The following AP1M1 variants were observed in gnomAD, a reference collection of about 807,000 sequenced individuals.
AP1M1 encodes the protein AP-1 complex subunit mu-1.
AP1M1 carries 18 observed loss-of-function variants against 57.1 expected under a neutral mutation model. That is an observed-to-expected ratio of 0.32 (90% CI 0.22 to 0.47). The LOEUF is 0.47. AP1M1 is among the 20% of genes least tolerant of loss of function. The probability of loss-of-function intolerance (pLI) is 1.00; values close to 1 mark genes in which losing one functional copy is unlikely to be tolerated. For synonymous variants in AP1M1, 241 were observed against 237.9 expected, an observed-to-expected ratio of 1.01 and a Z score of -0.12; for missense variants, 362 against 593.5, an observed-to-expected ratio of 0.61 and a Z score of 4.05.
chr19:16,220,516 A>G (rs934231009), intron 5 of AP1M1, among the ~76,000 whole-genome samples: 9 of 151,786 alleles, frequency 5.9e-5, no homozygotes, highest in Non-Finnish European at 1.3e-4. Context: ...TCAGCCTCCC[A>G]TGTAGTTGAG....
Position 16,239,644 on chromosome 19 carries a change from G to A in AP1M1, c.*5209G>A, listed in dbSNP as rs1216810803. 1.3e-5 allele frequency: 2 copies of A among 151,916 alleles called. No homozygotes were observed. The highest frequency in any genetic ancestry group is 2.9e-5 in the Non-Finnish European group (2 of 67,990). 9.4% of individuals were successfully genotyped at this position (151,916 alleles called of 1,614,324 possible). A position where few individuals can be genotyped will look rare whatever the true frequency, so the allele number is the denominator to read the frequency against. ...CTAAAAATACAAAAGAATTAGCTGGGCGTAGTGGCTCATACCTGTAATCCC... is the reference window on the plus strand; with the variant it reads ...CTAAAAATACAAAAGAATTAGCTGGACGTAGTGGCTCATACCTGTAATCCC... On this transcript the variant is annotated 3_prime_UTR_variant, in exon 12 of 12. Transcript: ENST00000291439.
At chr19:16,220,925 C>T (rs1428001750) in intron 5 of AP1M1, among the ~76,000 whole-genome samples, 1 of 152,172 alleles carries the variant, frequency 6.6e-6, no homozygotes, top group Non-Finnish European at 1.5e-5. Flanking sequence ...TCTTTATTCC[C>T]CTATAGGTGA....
rs2091637013 is a variant in AP1M1, at chr19:16,239,284, C to A, written c.*4849C>A. ...TTTTTTTTTTTTTTTTTTTTTAAGA[C>A]TGCAAAGCTGGGCATGGTAGTATGC... On this transcript the variant is annotated 3_prime_UTR_variant, in exon 12 of 12. Coordinates refer to ENST00000291439, the MANE Select transcript of AP1M1 (RefSeq NM_032493.4). 6 of 85,032 alleles carry A rather than the reference C, an allele frequency of 7.1e-5. No individual in the cohort carries two copies. The highest frequency in any genetic ancestry group is 3.9e-4 in the East Asian group (1 of 2,556). 5.3% of individuals were successfully genotyped at this position (85,032 alleles called of 1,614,324 possible).
intron 1 of AP1M1, 91 bp downstream of exon 1, chr19:16,198,159 A>T: frequency 1.4e-6 from 2 of 1,449,182 alleles, no homozygotes; most frequent in Non-Finnish European, 1.9e-6. Context: ...TAACCGGCTT[A>T]TGAGCCCCAT....
intron 2 of AP1M1, among the ~76,000 whole-genome samples, chr19:16,204,674 C>T (rs1036266934): frequency 2.6e-5 from 4 of 152,170 alleles, no homozygotes; most frequent in African/African-American, 9.7e-5. Context: ...AGCCCTGCCC[C>T]GTCAGAATCT....
intron 5 of AP1M1, among the ~76,000 whole-genome samples, chr19:16,225,523 G>A (rs2013366887): frequency 6.6e-6 from 1 of 152,222 alleles, no homozygotes; most frequent in African/African-American, 2.4e-5. Flanking sequence ...CAGCATCTTG[G>A]CTCACGCAGG....
At chr19:16,226,700 A>G in intron 6 of AP1M1, 153 bp downstream of exon 6, 2 of 990,124 alleles carry the variant, frequency 2.0e-6, no homozygotes, top group South Asian at 3.7e-5. Context: ...AGCTGTGTAG[A>G]GTATTCATCC....
intron 5 of AP1M1, among the ~76,000 whole-genome samples, chr19:16,213,184 T>C (rs929709616): frequency 2.6e-5 from 4 of 152,184 alleles, no homozygotes; most frequent in African/African-American, 9.7e-5. Context: ...ATACTGTCAG[T>C]GGGGTGTTGA....
At position 16,227,723 on chromosome 19, in the gene AP1M1, C is replaced by T. The variant is rs202171635; in HGVS notation, c.816+33C>T. ...CGCCACCCTGGGGCTGGGCTGTCGG[C>T]AGACTCCTCCTCCCCTTCACCTCCA... On this transcript the variant is annotated intron_variant, in intron 7 of 11. Transcript: ENST00000291439. The surrounding 1 kb of genome is among the most constrained non-coding windows in gnomAD (Gnocchi z 6.2). 104 of 1,601,748 alleles carry T rather than the reference C, an allele frequency of 6.5e-5. 1 individual carries two copies. The African/African-American group carries it at 1.3e-3, about 20-fold the overall frequency.
At chr19:16,204,250 C>G (rs758859480) in intron 2 of AP1M1, among the ~76,000 whole-genome samples, 8 of 152,104 alleles carry the variant, frequency 5.3e-5, no homozygotes, top group Non-Finnish European at 1.2e-4. Context: ...GCCCAGATCT[C>G]AGAGCCCCCC....
At chr19:16,222,419 G>C (rs1419607814) in intron 5 of AP1M1, among the ~76,000 whole-genome samples, 4 of 150,454 alleles carry the variant, frequency 2.7e-5, no homozygotes, top group Admixed American at 2.6e-4. Context: ...TCTCTGTGTT[G>C]CCCTGGCTGA....
rs907542276 is a variant in AP1M1 at position 16,208,315 on chromosome 19, A to C, written c.398+166A>C. The stretch of plus-strand genomic sequence containing the variant: ...TTACTAAGTTGCTCTTAGTGGTTTT[A>C]ATTCGTTTCCTCCTCTACGCCCCCA... On this transcript the variant is annotated intron_variant, in intron 4 of 11. Transcript: ENST00000291439. 31 of 692,210 alleles carry C rather than the reference A, an allele frequency of 4.5e-5. No individual in the cohort carries two copies. The African/African-American group carries it at 4.7e-4, about 10-fold the overall frequency. The allele number at this position is 692,210 out of a possible 1,614,324, so 42.9% of individuals were successfully genotyped here. A position where few individuals can be genotyped will look rare whatever the true frequency, so the allele number is the denominator to read the frequency against.
chr19:16,209,125 A>G lies in AP1M1; in HGVS notation c.494A>G (p.Lys165Arg), dbSNP rs1378411542. The change falls in exon 5 of 12, where the codon AAG becomes AGG. Residue 165 changes from lysine to arginine, a missense_variant. Lys to Arg is a conservative substitution (Grantham distance 26). Transcript: ENST00000291439. The stretch of plus-strand genomic sequence containing the variant: ...GTGTCCTGGCGGTCCGAAGGCATCA[A>G]GTATCGGAAGAATGAGGTGTTCTTG... ...NAVSWRSEGI[K>R]YRKNEVFLDV... 9 of 1,614,108 alleles carry G rather than the reference A, an allele frequency of 5.6e-6. No homozygotes were observed. The highest frequency in any genetic ancestry group is 1.6e-4 in the Middle Eastern group (1 of 6,084).
intron 5 of AP1M1, among the ~76,000 whole-genome samples, chr19:16,214,954 T>C (rs1315287537): frequency 1.3e-5 from 2 of 150,114 alleles, no homozygotes; most frequent in East Asian, 4.1e-4. Flanking sequence ...TTGCCATGTT[T>C]CCCAGGCTAG....
At chr19:16,232,505 C>T (rs571866365) in intron 9 of AP1M1, among the ~76,000 whole-genome samples, 4 of 152,212 alleles carry the variant, frequency 2.6e-5, no homozygotes, top group Non-Finnish European at 5.9e-5. Context: ...AGTCACCGAG[C>T]GGGTTTGTTC....
At chr19:16,230,890 C>G (rs1248992313) in intron 9 of AP1M1, among the ~76,000 whole-genome samples, 1 of 152,036 alleles carries the variant, frequency 6.6e-6, no homozygotes, top group Non-Finnish European at 1.5e-5. Context: ...AAACCAAAAG[C>G]AAAATTAATT....
chr19:16,215,194 C>CAGGGGCGGGG (rs1568350995), intron 5 of AP1M1, among the ~76,000 whole-genome samples: 3 of 1,920 alleles, frequency 1.6e-3, no homozygotes, highest in African/African-American at 3.2e-3. Flanking sequence ...GAGGCTAAGG[C>CAGGGGCGGGG]GGGGGCGGGG....
intron 5 of AP1M1, among the ~76,000 whole-genome samples, chr19:16,223,218 A>G (rs761680437): frequency 5.3e-5 from 8 of 152,158 alleles, no homozygotes; most frequent in Admixed American, 2.0e-4. Flanking sequence ...CCCCCGTGCC[A>G]TTTCCTGGTC....
At chr19:16,204,268 C>T (rs1449459009) in intron 2 of AP1M1, among the ~76,000 whole-genome samples, 2 of 152,214 alleles carry the variant, frequency 1.3e-5, no homozygotes, top group South Asian at 2.1e-4. Context: ...CCCACCCTTC[C>T]TGTCCTTGGG....
Sources: gnomAD v4.1 joint callset for allele counts (sites outside exome capture counted in the v4.1 genomes callset) on GRCh38, gnomAD v4.1.1 for gene constraint, Gnocchi (gnomAD v3.1) non-coding constraint, MANE v1.5 for transcripts, NCBI Gene and HGNC (gene_info 2026-07-23, HGNC 2026-07-21) for gene names.